COL6A2: variants seen among roughly 807,000 people sequenced by gnomAD.
The protein encoded by COL6A2 is collagen type VI alpha 2 chain.
COL6A2 carries 90 observed loss-of-function variants against 124.9 expected under a neutral mutation model. That is an observed-to-expected ratio of 0.72 (90% CI 0.61 to 0.86). The LOEUF is 0.86. Among genes scored for constraint, COL6A2 ranks in the 40% least tolerant of loss-of-function variants. COL6A2 has a pLI of 0.00. For missense variants in COL6A2, 1,607 were observed against 1,502.5 expected, an observed-to-expected ratio of 1.07 and a Z score of -1.15; for synonymous variants, 793 against 618.2, an observed-to-expected ratio of 1.28 and a Z score of -4.19.
intron 27 of COL6A2, chr21:46,129,874 T>G (rs1399836386): frequency 9.7e-7 from 1 of 1,027,068 alleles, no homozygotes; most frequent in African/African-American, 1.7e-5. Context: ...GTGGAAGTCT[T>G]TGGAGGCCCT....
rs754625010 is a variant in COL6A2, at chr21:46,132,071, C to T, written c.2579C>T (p.Ala860Val). The T allele has an allele frequency of 2.4e-5, 39 of 1,603,674 alleles. 1 individual carries two copies. The highest frequency in any genetic ancestry group is 2.5e-5 in the Non-Finnish European group (30 of 1,177,556). The part of the protein sequence containing the change: ...HKARRFVEQV[A>V]RRLTLARRDD... ...GCCCGGCGCTTCGTGGAGCAGGTGG[C>T]GCGGCGGCTGACGCTGGCCCGGAGG... The change falls in exon 28 of 28, where the codon GCG becomes GTG. Residue 860 changes from alanine to valine, a missense_variant. This residue lies in a region of COL6A2 where 1,223 missense variants were observed against 1,052.2 expected (regional missense o/e 1.16). Transcript: ENST00000300527.
chr21:46,116,716 G>T lies in COL6A2; in HGVS notation c.954+39G>T, dbSNP rs746898046. 2.0e-5 allele frequency: 33 copies of T among 1,612,904 alleles called. 1 individual carries two copies. The highest frequency in any genetic ancestry group is 2.7e-5 in the Non-Finnish European group (32 of 1,179,996). On this transcript the variant is annotated intron_variant, in intron 9 of 27. Transcript: ENST00000300527. This position sits in a 1 kb window ranked among gnomAD's most constrained non-coding sequence, Gnocchi z 4.6. ...GTAGGCAGAGCCCCTCCTTCCTGCT[G>T]CTCAGGGCAGAAGGACCGGGGCTAA... is the stretch of plus-strand genomic sequence containing the variant.
In COL6A2 at chr21:46,123,857, T is replaced by G. The variant is rs1289879152; in HGVS notation, c.1672-794T>G. Among the ~76,000 whole-genome samples, 7 of 59,960 alleles carry G rather than the reference T, an allele frequency of 1.2e-4. No homozygotes were observed. The South Asian group carries it at 2.5e-3, about 22-fold the overall frequency. The allele number at this position is 59,960 out of a possible 152,430, so 39.3% of individuals were successfully genotyped here. On this transcript the variant is annotated intron_variant, in intron 21 of 27. Coordinates refer to ENST00000300527, the MANE Select transcript of COL6A2 (RefSeq NM_001849.4). Reference sequence around the variant, plus strand: ...ATAAAGGATGGATGGATGAATGAGTTAGTGGGTTGGCAGATGGATGGATGG... The same window carrying G: ...ATAAAGGATGGATGGATGAATGAGTGAGTGGGTTGGCAGATGGATGGATGG...
chr21:46,108,949 AG>A (rs2078364785), intron 1 of COL6A2, among the ~76,000 whole-genome samples: 1 of 152,176 alleles, frequency 6.6e-6, no homozygotes, highest in Non-Finnish European at 1.5e-5. Context: ...ATTGAGTGTT[AG>A]GGGAGCTCAC....
chr21:46,120,505 C>A lies in COL6A2; in HGVS notation c.1333-10C>A. On this transcript the variant is annotated splice_polypyrimidine_tract_variant and intron_variant, in intron 15 of 27. Transcript: ENST00000300527. ...CTGAGACCCGTGGGGCCTCCCTTCC[C>A]TTCCCACAGGGGGACCCTGGCCCTG... 1 of 1,521,446 alleles carries A rather than the reference C, an allele frequency of 6.6e-7. No individual in the cohort carries two copies. The highest frequency in any genetic ancestry group is 8.8e-7 in the Non-Finnish European group (1 of 1,135,940). 94.2% of individuals were successfully genotyped at this position (1,521,446 alleles called of 1,614,324 possible). A position where few individuals can be genotyped will look rare whatever the true frequency, so the allele number is the denominator to read the frequency against.
At chr21:46,110,815 G>A (rs2078388318) in intron 1 of COL6A2, among the ~76,000 whole-genome samples, 1 of 42,874 alleles carries the variant, frequency 2.3e-5, no homozygotes, top group African/African-American at 5.6e-5. Context: ...CCTGGAGCTG[G>A]AGCTTAGGCC....
Position 46,131,405 on chromosome 21 carries a change from GC to G in COL6A2, c.2462-545del, listed in dbSNP as rs577741058. Among the ~76,000 whole-genome samples the G allele has an allele frequency of 2.6e-5, 4 of 152,334 alleles. No homozygotes were observed. The East Asian group carries it at 7.7e-4, about 29-fold the overall frequency. Reference sequence around the variant, plus strand: ...CTGGGCTGCCACAGAAGGTCTGGCTGCCCCTGTGCCCACTGCTCCCCACCAT... The same window carrying G: ...CTGGGCTGCCACAGAAGGTCTGGCTGCCCTGTGCCCACTGCTCCCCACCAT... On this transcript the variant is annotated intron_variant, in intron 27 of 27. Coordinates refer to ENST00000300527, the MANE Select transcript of COL6A2 (RefSeq NM_001849.4).
chr21:46,121,175 C>T (rs892585784), intron 17 of COL6A2, 52 bp downstream of exon 17: 4 of 1,553,228 alleles, frequency 2.6e-6, no homozygotes, highest in Non-Finnish European at 3.6e-6. Context: ...GGTGGGTCTC[C>T]CCTATCCATG....
chr21:46,108,835 TGAAACCTCTATGGCCA>T (rs2078363563), intron 1 of COL6A2, among the ~76,000 whole-genome samples: 2 of 152,204 alleles, frequency 1.3e-5, no homozygotes, highest in South Asian at 4.1e-4. Flanking sequence ...TTTTCTGGCC[TGAAACCTCTATGGCCA>T]GTGGCGCCTT....
At position 46,122,157 on chromosome 21, in the gene COL6A2, C is replaced by G; in HGVS notation, c.1571C>G (p.Pro524Arg). ...AGCTACCCAGGACCCCGAGGAGCAC[C>G]CGTGAGTCACAGCCTGGGATGGCAG... ...GFSYPGPRGA[P>R]GEKGEPGPRG... The change falls in exon 19 of 28, where the codon CCC (proline) becomes CGC (arginine). Residue 524 changes from proline to arginine, a missense_variant and splice_region_variant. This residue lies in a region of COL6A2 where 1,223 missense variants were observed against 1,052.2 expected (regional missense o/e 1.16). Transcript: ENST00000300527. 6.2e-7 allele frequency: 1 copy of G among 1,612,554 alleles called. No homozygotes were observed. The highest frequency in any genetic ancestry group is 8.5e-7 in the Non-Finnish European group (1 of 1,179,930).
At position 46,121,584 on chromosome 21, in the gene COL6A2, G is replaced by C; in HGVS notation, c.1487G>C (p.Gly496Ala). 1 of 1,612,844 alleles carries C rather than the reference G, an allele frequency of 6.2e-7. No homozygotes were observed. The highest frequency in any genetic ancestry group is 8.5e-7 in the Non-Finnish European group (1 of 1,179,958). The stretch of plus-strand genomic sequence containing the variant: ...TCTCGGGGAGACCCCGGTGATGCAG[G>C]ACCCCGTGGAGACTCAGGACAGCCA... ...QGSRGDPGDA[G>A]PRGDSGQPGP... Residue 496 changes from glycine (G) to alanine (A), a missense_variant, in exon 18 of 28, where the codon GGA becomes GCA. Gly to Ala is a moderately conservative substitution (Grantham distance 60). Around this residue, in one of 3 missense-constraint regions of COL6A2, gnomAD observed 1,223 missense variants for 1,052.2 expected, o/e 1.16. Coordinates refer to ENST00000300527, the MANE Select transcript of COL6A2 (RefSeq NM_001849.4).
In COL6A2 at chr21:46,119,801, AC is replaced by A; in HGVS notation, c.1287del (p.Gly430AlafsTer115). ...GPKGEPGRRG[D>X]PGTKGSPGSD... ...TGTTCTCTGCAGGGGCGCAGGGGAG[AC>A]CCCGGCACCAAGGGCAGCCCAGGCA... On this transcript the variant is annotated frameshift_variant, in exon 15 of 28. Transcript: ENST00000300527. LOFTEE classifies it high-confidence loss of function. 1 of 1,562,888 alleles carries A rather than the reference AC, an allele frequency of 6.4e-7. No individual in the cohort carries two copies. The highest frequency in any genetic ancestry group is 8.7e-7 in the Non-Finnish European group (1 of 1,153,392).
Position 46,117,451 on chromosome 21 carries a change from C to G in COL6A2, c.1051C>G (p.Arg351Gly). Residue 351 changes from arginine to glycine, a missense_variant and splice_region_variant, in exon 11 of 28, where the codon CGG becomes GGG. Physicochemically the swap from Arg to Gly is moderately radical, Grantham distance 125. Transcript: ENST00000300527. ...PPGCKGDPGN[R>G]GPDGYPGEAG... The stretch of plus-strand genomic sequence containing the variant: ...TGGCTGCAAGGGAGACCCTGGAAAC[C>G]GGGTAAGGGCCGTTTGCACCCCTCC... The G allele has an allele frequency of 6.2e-7, 1 of 1,612,646 alleles. No individual in the cohort carries two copies. The highest frequency in any genetic ancestry group is 8.5e-7 in the Non-Finnish European group (1 of 1,179,870).
At position 46,111,610 on chromosome 21, in the gene COL6A2, CG is replaced by C. The variant is rs2123613075; in HGVS notation, c.115+24del. On this transcript the variant is annotated intron_variant, in intron 2 of 27. Transcript: ENST00000300527. ...TGCCCAGGTGCCAGGGGTCGGGGGC[CG>C]GGGGCTCTGGGCATTTGGGGGGCAG... The C allele has an allele frequency of 1.9e-6, 3 of 1,543,198 alleles. No homozygotes were observed. The highest frequency in any genetic ancestry group is 1.8e-6 in the Non-Finnish European group (2 of 1,123,478).
intron 1 of COL6A2, among the ~76,000 whole-genome samples, chr21:46,105,304 T>C (rs1601206045): frequency 1.3e-5 from 2 of 152,170 alleles, no homozygotes; most frequent in African/African-American, 4.8e-5. Flanking sequence ...GAGAATCATT[T>C]GGGCCTGGGA....
At position 46,125,569 on chromosome 21, in the gene COL6A2, G is replaced by A. The variant is rs1032420539; in HGVS notation, c.1921G>A (p.Val641Met). The change falls in exon 25 of 28, where the codon GTG becomes ATG. Residue 641 changes from valine (V) to methionine (M), a missense_variant. Coordinates refer to ENST00000300527, the MANE Select transcript of COL6A2 (RefSeq NM_001849.4). ...FTLEKNFVIN[V>M]VNRLGAIAKD... ...ACTGGAGAAGAACTTCGTCATCAAC[G>A]TGGTCAACAGGCTGGGTGCCATCGC... 3.7e-6 allele frequency: 6 copies of A among 1,612,802 alleles called. No individual in the cohort carries two copies. Among genetic ancestry groups the A allele is most frequent in the African/African-American group, 2.7e-5 (2 of 74,924 alleles).
intron 1 of COL6A2, among the ~76,000 whole-genome samples, chr21:46,105,062 T>C (rs909475261): frequency 1.3e-5 from 2 of 152,094 alleles, no homozygotes; most frequent in Admixed American, 1.3e-4. Context: ...TAAAGGGTGA[T>C]AGACAGTAAT....
Position 46,121,047 on chromosome 21 carries a change from C to T in COL6A2, c.1396-14C>T, listed in dbSNP as rs371336292. ...TCAGTCAAGAGAACCCCAAATTCCT[C>T]CCCTTTCTTCCAGGGAGACCGAGGC... On this transcript the variant is annotated splice_polypyrimidine_tract_variant and intron_variant, in intron 16 of 27. Coordinates refer to ENST00000300527, the MANE Select transcript of COL6A2 (RefSeq NM_001849.4). The T allele has an allele frequency of 1.2e-6, 2 of 1,612,550 alleles. No homozygotes were observed. Among genetic ancestry groups the T allele is most frequent in the Non-Finnish European group, 1.7e-6 (2 of 1,179,748 alleles).
Position 46,117,752 on chromosome 21 carries a change from T to TG in COL6A2, c.1054-119dup, listed in dbSNP as rs5844252. ...GGCCTGGCCTCTTGGTCACTGAGCC[T>TG]GGGCCTCACAGTGAGGGTGGGAGGT... On this transcript the variant is annotated intron_variant, in intron 11 of 27. Coordinates refer to ENST00000300527, the MANE Select transcript of COL6A2 (RefSeq NM_001849.4). 803,011 of 984,606 alleles carry TG rather than the reference T, an allele frequency of 0.82. 329,678 individuals carry two copies. Among genetic ancestry groups the TG allele is most frequent in the East Asian group, 0.91 (35,108 of 38,442 alleles). The allele number at this position is 984,606 out of a possible 1,614,324, so 61.0% of individuals were successfully genotyped here. A position where few individuals can be genotyped will look rare whatever the true frequency, so the allele number is the denominator to read the frequency against.
Sources: allele counts gnomAD v4.1 joint callset (sites outside exome capture counted in the v4.1 genomes callset), GRCh38; gene constraint gnomAD v4.1.1; regional missense constraint gnomAD v4.1.1; non-coding constraint Gnocchi (gnomAD v3.1); transcripts MANE v1.5; gene names NCBI Gene and HGNC (gene_info 2026-07-23, HGNC 2026-07-21).